The following PKD2L2 variants were observed in gnomAD, a reference collection of about 807,000 sequenced individuals.
PKD2L2 encodes polycystin-2-like protein 2.
PKD2L2 carries 67 observed loss-of-function variants against 83.9 expected under a neutral mutation model. The ratio of observed to expected loss-of-function variants is 0.80; its 90% CI spans 0.66 to 0.98. The LOEUF is 0.98. PKD2L2 is among the 50% of genes least tolerant of loss of function. PKD2L2 has a pLI of 0.00. For synonymous variants in PKD2L2, 223 were observed against 237.8 expected (o/e 0.94, Z 0.57); for missense variants, 632 against 717.2 (o/e 0.88, Z 1.36).
intron 4 of PKD2L2, among the ~76,000 whole-genome samples, chr5:137,898,415 C>A (rs1184054666): frequency 1.3e-5 from 2 of 152,034 alleles, no homozygotes; most frequent in African/African-American, 4.8e-5. Context: ...GTTTTTTACC[C>A]ATTTCTGAGC....
rs372277134 is a variant in PKD2L2, at chr5:137,934,667, C to A, written c.1672-1130C>A. Reference sequence around the variant, plus strand: ...TACTAAAAAAAAATACAAAAATTAGCCAGATGTGGTGGTGCACGCCTGTAA... The same window carrying A: ...TACTAAAAAAAAATACAAAAATTAGACAGATGTGGTGGTGCACGCCTGTAA... On this transcript the variant is annotated intron_variant, in intron 12 of 14. Transcript: ENST00000508883. 5.9e-5 allele frequency among the ~76,000 whole-genome samples: 9 copies of A among 152,234 alleles called. No homozygotes were observed. The East Asian group carries it at 9.6e-4, about 16-fold the overall frequency.
At chr5:137,915,294 T>C (rs1281294111) in intron 8 of PKD2L2, among the ~76,000 whole-genome samples, 1 of 152,212 alleles carries the variant, frequency 6.6e-6, no homozygotes, top group Non-Finnish European at 1.5e-5. Context: ...TCTCTTCCAT[T>C]TTTGGAAGAG....
chr5:137,908,938 G>A lies in PKD2L2; in HGVS notation c.1320G>A (p.Gln440=), dbSNP rs1580926789. ...GSQVDDFSTF[Q]NSIFAQFRIV... ...AAGTTGATGACTTTTCCACTTTTCA[G>A]AATTCCATGTAAGCTCTTAGTATAA... Residue 440 remains glutamine (Q), a synonymous_variant, in exon 8 of 15, where the codon CAG becomes CAA. Coordinates refer to ENST00000508883, the MANE Select transcript of PKD2L2 (RefSeq NM_001300921.2). The A allele has an allele frequency of 6.3e-7, 1 of 1,592,472 alleles. No homozygotes were observed. Among genetic ancestry groups the A allele is most frequent in the East Asian group, 2.2e-5 (1 of 44,628 alleles).
chr5:137,925,173 G>A (rs1029853928), intron 11 of PKD2L2, 69 bp downstream of exon 11: 19 of 989,824 alleles, frequency 1.9e-5, no homozygotes, highest in Non-Finnish European at 2.8e-5. Context: ...AACCTTATAA[G>A]GTTTTTTTTG....
At chr5:137,915,442 A>G (rs1758240511) in intron 8 of PKD2L2, among the ~76,000 whole-genome samples, 1 of 151,972 alleles carries the variant, frequency 6.6e-6, no homozygotes, top group African/African-American at 2.4e-5. Context: ...TTTTTATTTG[A>G]GATGGAGTCT....
intron 1 of PKD2L2, chr5:137,890,191 G>A: frequency 4.4e-6 from 1 of 227,982 alleles, no homozygotes; most frequent in East Asian, 1.2e-4. Flanking sequence ...GCTGAGGCAG[G>A]AGAATCGCTT....
At chr5:137,891,094 T>C (rs1755935597) in intron 2 of PKD2L2, among the ~76,000 whole-genome samples, 1 of 152,208 alleles carries the variant, frequency 6.6e-6, no homozygotes, top group Non-Finnish European at 1.5e-5. Flanking sequence ...TCAACCTGCA[T>C]TCCTCCTACC....
At chr5:137,933,055 A>C (rs1580998039) in intron 12 of PKD2L2, among the ~76,000 whole-genome samples, 3 of 151,350 alleles carry the variant, frequency 2.0e-5, no homozygotes, top group African/African-American at 7.3e-5. Context: ...CAAACCAAAA[A>C]AAAAAAAAAA....
intron 3 of PKD2L2, among the ~76,000 whole-genome samples, 166 bp from the exon 4 acceptor site, chr5:137,894,187 G>A (rs941086015): frequency 6.6e-6 from 1 of 152,192 alleles, no homozygotes; most frequent in South Asian, 2.1e-4. Flanking sequence ...TGCTTAATGA[G>A]TGTTAACCAT....
intron 14 of PKD2L2, chr5:137,940,089 G>A (rs1228036808): frequency 5.0e-6 from 8 of 1,613,982 alleles, no homozygotes; most frequent in African/African-American, 1.3e-5. Context: ...GTTTTGTTTA[G>A]TGGCACCACA....
At position 137,908,835 on chromosome 5, in the gene PKD2L2, A is replaced by G; in HGVS notation, c.1217A>G (p.Asp406Gly). ...TCAACCTTGTCCCGTTGTGTTAAAG[A>G]CATAGTAGGATTTGCCATCATGTTT... The part of the protein sequence containing the change: ...LSSTLSRCVK[D>G]IVGFAIMFFI... The change falls in exon 8 of 15, where the codon GAC becomes GGC. Residue 406 changes from aspartate to glycine, a missense_variant. Asp to Gly is a moderately conservative substitution (Grantham distance 94). This residue lies in a region of PKD2L2 where 399 missense variants were observed against 416.9 expected (regional missense o/e 0.96). Transcript: ENST00000508883. The G allele has an allele frequency of 6.3e-7, 1 of 1,593,434 alleles. No homozygotes were observed. The highest frequency in any genetic ancestry group is 8.6e-7 in the Non-Finnish European group (1 of 1,161,772).
intron 14 of PKD2L2, chr5:137,940,267 AAGAAGCC>A: frequency 1.9e-6 from 3 of 1,613,956 alleles, no homozygotes; most frequent in Non-Finnish European, 2.5e-6. Flanking sequence ...TAAGAACTTC[AAGAAGCC>A]TAAGCTTGGC....
Position 137,907,807 on chromosome 5 carries a change from G to A in PKD2L2, c.1041G>A (p.Gln347=). Residue 347 remains glutamine, a synonymous_variant, in exon 7 of 15, where the codon CAG becomes CAA. Transcript: ENST00000508883. ...TACAAATTTTTCTCTTACTTGGACA[G>A]CTGTTGAAAAGTACTGAAAAATATT... ...YNVQIFLLLG[Q]LLKSTEKYSD... is the part of the protein sequence containing the mutation. 1.3e-6 allele frequency: 2 copies of A among 1,589,558 alleles called. No individual in the cohort carries two copies. Among genetic ancestry groups the A allele is most frequent in the Non-Finnish European group, 1.7e-6 (2 of 1,162,162 alleles).
At chr5:137,894,807 T>C (rs1260733279) in intron 4 of PKD2L2, among the ~76,000 whole-genome samples, 198 bp downstream of exon 4, 3 of 152,216 alleles carry the variant, frequency 2.0e-5, no homozygotes, top group Admixed American at 1.3e-4. Flanking sequence ...TACTTTAGGA[T>C]GCAAAGTGTT....
Position 137,936,341 on chromosome 5 carries a change from G to C in PKD2L2, c.1806G>C (p.Glu602Asp), listed in dbSNP as rs1221625307. The C allele has an allele frequency of 1.3e-6, 2 of 1,531,298 alleles. No homozygotes were observed. The highest frequency in any genetic ancestry group is 2.4e-5 in the South Asian group (2 of 83,948). 94.9% of individuals were successfully genotyped at this position (1,531,298 alleles called of 1,614,324 possible). ...CTAGACTTTTTTTATATGCTGTGGA[G>C]CTGGAGAAGGAATTACACTACATCA... ...EFRELFLYAVELEKELHYINL... is the reference protein window; with the variant it reads ...EFRELFLYAVDLEKELHYINL... The change falls in exon 14 of 15, where the codon GAG (glutamate) becomes GAC (aspartate). Residue 602 changes from glutamate (E) to aspartate (D), a missense_variant. Physicochemically the swap from Glu to Asp is conservative, Grantham distance 45. Around this residue, in one of 3 missense-constraint regions of PKD2L2, gnomAD observed 399 missense variants for 416.9 expected, o/e 0.96. Coordinates refer to ENST00000508883, the MANE Select transcript of PKD2L2 (RefSeq NM_001300921.2).
chr5:137,925,152 C>T lies in PKD2L2; in HGVS notation c.1616+48C>T, dbSNP rs896397114. The T allele has an allele frequency of 1.1e-5, 12 of 1,136,244 alleles. No homozygotes were observed. In the African/African-American group the frequency reaches 1.4e-4, roughly 13 times the overall value. 70.4% of individuals were successfully genotyped at this position (1,136,244 alleles called of 1,614,324 possible). ...TTTAACTTACCATTTTAAAGTTCCA[C>T]ATTATATGAGAACCTTATAAGGTTT... On this transcript the variant is annotated intron_variant, in intron 11 of 14. Coordinates refer to ENST00000508883, the MANE Select transcript of PKD2L2 (RefSeq NM_001300921.2).
In PKD2L2 at chr5:137,907,892, A is replaced by G. The variant is rs756696450; in HGVS notation, c.1126A>G (p.Ile376Val). Residue 376 changes from isoleucine (I) to valine (V), a missense_variant, in exon 7 of 15, where the codon ATC (isoleucine) becomes GTC (valine). Physicochemically the swap from Ile to Val is conservative, Grantham distance 29. Coordinates refer to ENST00000508883, the MANE Select transcript of PKD2L2 (RefSeq NM_001300921.2). ...TTACAATAATATAATTGCTATTACC[A>G]TCTTTTTTGCATGGATAAAGGTATT... The part of the protein sequence containing the change: ...IYYNNIIAIT[I>V]FFAWIKIFKF... The G allele has an allele frequency of 1.6e-5, 23 of 1,418,000 alleles. No homozygotes were observed. The highest frequency in any genetic ancestry group is 2.3e-5 in the Non-Finnish European group (23 of 1,019,802). 87.8% of individuals were successfully genotyped at this position (1,418,000 alleles called of 1,614,324 possible).
chr5:137,911,709 CATT>C (rs1169284937), intron 8 of PKD2L2, among the ~76,000 whole-genome samples: 1 of 152,086 alleles, frequency 6.6e-6, no homozygotes, highest in African/African-American at 2.4e-5. Context: ...TTCAAGTATA[CATT>C]ATTAACTATA....
chr5:137,936,351 G>C lies in PKD2L2; in HGVS notation c.1816G>C (p.Glu606Gln). 6.5e-7 allele frequency: 1 copy of C among 1,532,048 alleles called. No individual in the cohort carries two copies. The highest frequency in any genetic ancestry group is 8.7e-7 in the Non-Finnish European group (1 of 1,143,058). The allele number at this position is 1,532,048 out of a possible 1,614,324, so 94.9% of individuals were successfully genotyped here. The change falls in exon 14 of 15, where the codon GAA becomes CAA. Residue 606 changes from glutamate to glutamine, a missense_variant. This residue lies in a region of PKD2L2 where 399 missense variants were observed against 416.9 expected (regional missense o/e 0.96). Transcript: ENST00000508883. The stretch of plus-strand genomic sequence containing the variant: ...TTTATATGCTGTGGAGCTGGAGAAG[G>C]AATTACACTACATCAATTTGAAGCT... ...LFLYAVELEK[E>Q]LHYINLKLNQ...
Sources: gnomAD v4.1 joint callset for allele counts (sites outside exome capture counted in the v4.1 genomes callset) on GRCh38, gnomAD v4.1.1 for gene constraint, gnomAD v4.1.1 regional missense constraint, MANE v1.5 for transcripts, NCBI Gene and HGNC (gene_info 2026-07-23, HGNC 2026-07-21) for gene names.